The following ASIC2 variants were observed in gnomAD, a reference collection of about 807,000 sequenced individuals.
ASIC2 encodes acid sensing ion channel subunit 2, also known as acid-sensing ion channel 2.
ASIC2 carries 25 observed loss-of-function variants against 57.3 expected under a neutral mutation model. The observed-to-expected ratio is 0.44, with a 90% CI of 0.32 to 0.61. ASIC2 has a LOEUF of 0.61. Among genes scored for constraint, ASIC2 ranks in the 20% least tolerant of loss-of-function variants. The pLI is 0.06. For synonymous variants in ASIC2, 319 were observed against 307.5 expected, an observed-to-expected ratio of 1.04 and a Z score of -0.39; for missense variants, 641 against 738.1, an observed-to-expected ratio of 0.87 and a Z score of 1.52.
chr17:33,246,210 GGGGA>G (rs1908683974), intron 1 of ASIC2, among the ~76,000 whole-genome samples: 1 of 151,986 alleles, frequency 6.6e-6, no homozygotes, highest in Admixed American at 6.5e-5. Context: ...TAATTGGCTG[GGGGA>G]TAAGATGTGG....
At chr17:33,776,024 T>C (rs557315848) in intron 1 of ASIC2, among the ~76,000 whole-genome samples, 1 of 151,770 alleles carries the variant, frequency 6.6e-6, no homozygotes, top group Non-Finnish European at 1.5e-5. Context: ...TTCCAACTAC[T>C]TGGGAGGCTG....
At chr17:33,718,243 T>G (rs939276837) in intron 1 of ASIC2, among the ~76,000 whole-genome samples, 1 of 152,214 alleles carries the variant, frequency 6.6e-6, no homozygotes, top group East Asian at 1.9e-4. Flanking sequence ...TTTAAGCATT[T>G]TTTATTGTTG....
At chr17:33,334,612 G>C (rs320634) in intron 1 of ASIC2, among the ~76,000 whole-genome samples, 104,165 of 152,058 alleles carry the variant, frequency 0.69, 36,182 homozygotes, top group East Asian at 0.97. Context: ...CATTCTTACA[G>C]AAAGGGAGTA....
intron 1 of ASIC2, among the ~76,000 whole-genome samples, chr17:33,530,583 G>T (rs1915020305): frequency 6.6e-6 from 1 of 152,226 alleles, no homozygotes; most frequent in African/African-American, 2.4e-5. Context: ...CAGGTCAGGG[G>T]CTCAGATGGG....
At chr17:33,891,472 A>C (rs1472200624) in intron 1 of ASIC2, among the ~76,000 whole-genome samples, 1 of 152,188 alleles carries the variant, frequency 6.6e-6, no homozygotes, top group Admixed American at 6.5e-5. Flanking sequence ...TGTCTTCTGA[A>C]TATACTGAAG....
chr17:33,992,744 G>A (rs1906039739), intron 1 of ASIC2, among the ~76,000 whole-genome samples: 1 of 152,154 alleles, frequency 6.6e-6, no homozygotes, highest in Admixed American at 6.5e-5. Context: ...CACAGCGCTG[G>A]TTGTTAAATA....
At chr17:33,067,998 C>A (rs1336811508) in intron 3 of ASIC2, among the ~76,000 whole-genome samples, 2 of 152,108 alleles carry the variant, frequency 1.3e-5, no homozygotes, top group Non-Finnish European at 2.9e-5. Context: ...GGGCTCCGGG[C>A]AAGACCTTGT....
At chr17:33,726,967 T>G (rs192066837) in intron 1 of ASIC2, among the ~76,000 whole-genome samples, 2 of 152,342 alleles carry the variant, frequency 1.3e-5, no homozygotes, top group Non-Finnish European at 2.9e-5. Context: ...GCCTGCTAAT[T>G]GGAAAATTAG....
intron 1 of ASIC2, among the ~76,000 whole-genome samples, chr17:34,154,797 T>C (rs753603061): frequency 6.6e-5 from 10 of 152,128 alleles, no homozygotes; most frequent in Non-Finnish European, 1.3e-4. Context: ...GTTCTGAGAC[T>C]CAAAAGCTCT....
chr17:33,463,013 A>G (rs148232859), intron 1 of ASIC2, among the ~76,000 whole-genome samples: 21 of 152,156 alleles, frequency 1.4e-4, no homozygotes, highest in African/African-American at 5.1e-4. Flanking sequence ...TGGTAAAGCT[A>G]TATATCATCT....
intron 1 of ASIC2, among the ~76,000 whole-genome samples, chr17:33,433,776 C>CAA (rs140605689): frequency 2.0e-5 from 3 of 151,694 alleles, no homozygotes; most frequent in African/African-American, 7.3e-5. Flanking sequence ...AAAACAAAAA[C>CAA]AAAAAAACCC....
intron 1 of ASIC2, among the ~76,000 whole-genome samples, chr17:33,636,752 A>G (rs1281550094): frequency 6.6e-6 from 1 of 152,116 alleles, no homozygotes; most frequent in Non-Finnish European, 1.5e-5. Flanking sequence ...ACACACACCA[A>G]TATGAGCTCA....
In ASIC2 at chr17:33,831,038, G is replaced by T. The variant is rs935401973; in HGVS notation, c.555+324940C>A. Among the ~76,000 whole-genome samples the T allele has an allele frequency of 1.2e-4, 16 of 132,836 alleles. No individual in the cohort carries two copies. In the East Asian group the frequency reaches 2.2e-3, roughly 18 times the overall value. The allele number at this position is 132,836 out of a possible 152,430, so 87.1% of individuals were successfully genotyped here. A position where few individuals can be genotyped will look rare whatever the true frequency, so the allele number is the denominator to read the frequency against. On this transcript the variant is annotated intron_variant, in intron 1 of 9. Transcript: ENST00000359872. Reference sequence around the variant, plus strand: ...GGCAGGAGAATCACTTAGACCGGGAGGTGGAGGTTGCAATGAGCAGAGATT... The same window carrying T: ...GGCAGGAGAATCACTTAGACCGGGATGTGGAGGTTGCAATGAGCAGAGATT...
chr17:34,089,940 T>G (rs1382511267), intron 1 of ASIC2, among the ~76,000 whole-genome samples: 1 of 152,156 alleles, frequency 6.6e-6, no homozygotes, highest in African/African-American at 2.4e-5. Flanking sequence ...CATTCCCAGC[T>G]GTCTTGGTTC....
intron 3 of ASIC2, among the ~76,000 whole-genome samples, chr17:33,039,384 T>G: frequency 6.6e-6 from 1 of 152,198 alleles, no homozygotes; most frequent in East Asian, 1.9e-4. Context: ...TCTGAGATCC[T>G]GGCTCGTCTT....
intron 1 of ASIC2, among the ~76,000 whole-genome samples, chr17:34,014,996 C>T (rs1906898027): frequency 6.6e-6 from 1 of 151,888 alleles, no homozygotes; most frequent in African/African-American, 2.4e-5. Flanking sequence ...ACAATCCTCC[C>T]ACTTCAGACT....
At chr17:33,640,784 C>CGTAGG (rs1906538607) in intron 1 of ASIC2, among the ~76,000 whole-genome samples, 1 of 152,170 alleles carries the variant, frequency 6.6e-6, no homozygotes, top group Non-Finnish European at 1.5e-5. Flanking sequence ...TAGAGTCCCT[C>CGTAGG]GTAGGTATTG....
At chr17:33,846,726 CTTT>C (rs71144902) in intron 1 of ASIC2, among the ~76,000 whole-genome samples, 3 of 143,614 alleles carry the variant, frequency 2.1e-5, no homozygotes, top group African/African-American at 5.1e-5. Context: ...TCAGTGATAA[CTTT>C]TTTTTTTTTT....
chr17:33,042,718 C>T (rs2091934442), intron 3 of ASIC2, among the ~76,000 whole-genome samples: 1 of 152,172 alleles, frequency 6.6e-6, no homozygotes, highest in Non-Finnish European at 1.5e-5. Context: ...TTGCAACCAC[C>T]TGAGACTGCT....
Sources: gnomAD v4.1 joint callset for allele counts (sites outside exome capture counted in the v4.1 genomes callset) on GRCh38, gnomAD v4.1.1 for gene constraint, MANE v1.5 for transcripts, NCBI Gene and HGNC (gene_info 2026-07-23, HGNC 2026-07-21) for gene names.